The following NRK variants were observed in gnomAD, a reference collection of about 807,000 sequenced individuals.
NRK encodes the protein Nik related kinase.
Under a neutral mutation model 125.2 loss-of-function variants are expected in NRK, and 67 were observed. The ratio of observed to expected loss-of-function variants is 0.54; its 90% CI spans 0.44 to 0.66. The LOEUF (loss-of-function observed/expected upper bound fraction) is 0.66, where lower values mean the gene tolerates loss of function less well. Ranked by LOEUF, NRK falls within the 30% of genes least tolerant of loss-of-function variation. The pLI, the probability that NRK is intolerant of heterozygous loss-of-function variation, is 0.00. For missense variants in NRK, 1,224 were observed against 1,192.9 expected (o/e 1.03, Z -0.38); for synonymous variants, 458 against 429.0 (o/e 1.07, Z -0.84).
At chrX:105,857,290 A>G (rs2039542891) in intron 2 of NRK, among the ~76,000 whole-genome samples, 2 of 111,739 alleles carry the variant, frequency 1.8e-5, no homozygotes, top group African/African-American at 3.2e-5. Flanking sequence ...CATGTTCCAC[A>G]TTACTCTTTT....
chrX:105,908,661 C>A lies in NRK; in HGVS notation c.1086-66C>A, dbSNP rs1233489019. 10 of 1,119,867 alleles carry A rather than the reference C, an allele frequency of 8.9e-6. No homozygotes were observed. The East Asian group carries it at 1.8e-4, about 21-fold the overall frequency. The allele number at this position is 1,119,867 out of a possible 1,213,427, so 92.3% of individuals were successfully genotyped here. A position where few individuals can be genotyped will look rare whatever the true frequency, so the allele number is the denominator to read the frequency against. On this transcript the variant is annotated intron_variant, in intron 12 of 28. Transcript: ENST00000243300. The stretch of plus-strand genomic sequence containing the variant: ...TCCATCTTTTAAAGTAAAAACAATG[C>A]CCCTGAATGGCTCCATTCCACTAAA...
intron 9 of NRK, among the ~76,000 whole-genome samples, chrX:105,904,189 A>G (rs759498224): frequency 8.9e-6 from 1 of 111,951 alleles, no homozygotes; most frequent in Non-Finnish European, 1.9e-5. Context: ...CACACTTGTA[A>G]TGTTAGATGA....
At chrX:105,864,893 C>T (rs888095259) in intron 2 of NRK, among the ~76,000 whole-genome samples, 2 of 110,842 alleles carry the variant, frequency 1.8e-5, no homozygotes, top group African/African-American at 3.3e-5. Context: ...TCTTTTTATC[C>T]CACCCCAACA....
At chrX:105,872,180 A>T (rs1475949935) in intron 2 of NRK, among the ~76,000 whole-genome samples, 1 of 111,267 alleles carries the variant, frequency 9.0e-6, no homozygotes, top group Non-Finnish European at 1.9e-5. Context: ...GCTTATACAG[A>T]TATCAAATAA....
intron 17 of NRK, 76 bp from the exon 18 acceptor site, chrX:105,923,042 G>A: frequency 3.1e-6 from 3 of 965,839 alleles, no homozygotes; most frequent in Non-Finnish European, 4.2e-6. Context: ...TCAAAATGTT[G>A]TCAGCTTGGA....
intron 5 of NRK, among the ~76,000 whole-genome samples, chrX:105,890,766 T>A: frequency 9.0e-6 from 1 of 111,379 alleles, no homozygotes; most frequent in Non-Finnish European, 1.9e-5. Flanking sequence ...TCCCACCAGG[T>A]CCCTCCCATG....
chrX:105,873,097 A>C (rs2039768643), intron 2 of NRK, among the ~76,000 whole-genome samples: 1 of 111,774 alleles, frequency 8.9e-6, no homozygotes, highest in Non-Finnish European at 1.9e-5. Context: ...AAAAGAACGA[A>C]AGAATGCCCT....
At chrX:105,945,234 C>T (rs1223759018) in intron 24 of NRK, among the ~76,000 whole-genome samples, 1 of 111,521 alleles carries the variant, frequency 9.0e-6, no homozygotes, top group Admixed American at 9.5e-5. Context: ...TGATTTTTAA[C>T]TAGTTGATCC....
intron 2 of NRK, among the ~76,000 whole-genome samples, chrX:105,855,127 G>A (rs934813264): frequency 1.8e-5 from 2 of 111,562 alleles, no homozygotes; most frequent in Non-Finnish European, 3.8e-5. Context: ...TGTGGGTATA[G>A]ATATCACATA....
At chrX:105,829,233 G>A (rs1044246294) in intron 1 of NRK, among the ~76,000 whole-genome samples, 7 of 112,026 alleles carry the variant, frequency 6.2e-5, no homozygotes, top group Non-Finnish European at 1.3e-4. Flanking sequence ...CTTATTGAAT[G>A]ATGTAATCCC....
chrX:105,884,730 G>A (rs1335445232), intron 4 of NRK, among the ~76,000 whole-genome samples: 1 of 112,243 alleles, frequency 8.9e-6, no homozygotes, highest in Non-Finnish European at 1.9e-5. Flanking sequence ...CTAGGTCATT[G>A]CTCAAAAGAG....
chrX:105,861,315 A>C (rs1416200701), intron 2 of NRK, among the ~76,000 whole-genome samples: 1 of 112,314 alleles, frequency 8.9e-6, no homozygotes, highest in Non-Finnish European at 1.9e-5. Context: ...GAAATCCCTG[A>C]TAAGATATAT....
intron 7 of NRK, among the ~76,000 whole-genome samples, chrX:105,897,144 T>A (rs1439367493): frequency 8.9e-6 from 1 of 112,685 alleles, no homozygotes; most frequent in Non-Finnish European, 1.9e-5. Flanking sequence ...TTAATCAGAT[T>A]TACTTTACAT....
At chrX:105,893,716 G>T in intron 5 of NRK, 116 bp from the exon 6 acceptor site, 3 of 447,085 alleles carry the variant, frequency 6.7e-6, no homozygotes, top group Non-Finnish European at 1.2e-5. Context: ...GGCAGTACTT[G>T]CAGTGCCTTA....
intron 27 of NRK, 51 bp downstream of exon 27, chrX:105,949,785 G>C: frequency 2.4e-6 from 2 of 826,186 alleles, no homozygotes; most frequent in Non-Finnish European, 1.7e-6. Context: ...AATTTACAAG[G>C]GTAAAAAAGT....
intron 19 of NRK, among the ~76,000 whole-genome samples, chrX:105,931,829 GT>G (rs964573425): frequency 2.6e-4 from 29 of 110,302 alleles, no homozygotes; most frequent in African/African-American, 4.0e-4. Flanking sequence ...TTTTTTCTGA[GT>G]TTTTTTTTAT....
intron 5 of NRK, among the ~76,000 whole-genome samples, chrX:105,893,260 A>T (rs2040037402): frequency 8.9e-6 from 1 of 112,223 alleles, no homozygotes; most frequent in Non-Finnish European, 1.9e-5. Context: ...AATGCAATTG[A>T]CAAATTCCAC....
intron 2 of NRK, among the ~76,000 whole-genome samples, chrX:105,857,062 C>T (rs980897999): frequency 3.6e-5 from 4 of 111,758 alleles, no homozygotes; most frequent in Non-Finnish European, 1.9e-5. Context: ...TTATTAGTTA[C>T]TTGAGTCTAA....
intron 9 of NRK, among the ~76,000 whole-genome samples, chrX:105,901,428 T>G (rs1731959266): frequency 9.0e-6 from 1 of 111,577 alleles, no homozygotes; most frequent in South Asian, 3.8e-4. Flanking sequence ...TGACAATGCA[T>G]CTTTGGTATT....
Sources: gnomAD v4.1 joint callset for allele counts (sites outside exome capture counted in the v4.1 genomes callset) on GRCh38, gnomAD v4.1.1 for gene constraint, MANE v1.5 for transcripts, NCBI Gene and HGNC (gene_info 2026-07-23, HGNC 2026-07-21) for gene names.